C5: variants seen among roughly 807,000 people sequenced by gnomAD.
The protein encoded by C5 is complement C5, also known as C3 and PZP-like alpha-2-macroglobulin domain-containing protein 4.
In C5, 140 loss-of-function variants were observed where a neutral mutation model predicts 218.8. The observed-to-expected ratio is 0.64, with a 90% CI of 0.56 to 0.74. The LOEUF (loss-of-function observed/expected upper bound fraction) is 0.74, where lower values mean the gene tolerates loss of function less well. C5 is among the 30% of genes least tolerant of loss of function. The probability of loss-of-function intolerance (pLI) is 0.00; values close to 1 mark genes in which losing one functional copy is unlikely to be tolerated. For synonymous variants in C5, 614 were observed against 682.3 expected, an observed-to-expected ratio of 0.90 and a Z score of 1.56; for missense variants, 1,700 against 1,969.6, an observed-to-expected ratio of 0.86 and a Z score of 2.59.
Position 121,006,053 on chromosome 9 carries a change from A to G in C5, c.2428T>C (p.Cys810Arg), listed in dbSNP as rs761487991. ...TTTGCCTTGACAGTATCAGCAACAC[A>G]TATACCTTCAGCCCAAAGTGGAAGC... ...QGVGISNTGI[C>R]VADTVKAKVF... is the part of the protein sequence containing the mutation. Residue 810 changes from cysteine (C) to arginine (R), a missense_variant, in exon 20 of 41, where the codon TGT becomes CGT. Cys to Arg is a radical substitution (Grantham distance 180, BLOSUM62 -3). Transcript: ENST00000223642. 1.2e-6 allele frequency: 2 copies of G among 1,613,708 alleles called. No individual in the cohort carries two copies. The highest frequency in any genetic ancestry group is 1.3e-5 in the African/African-American group (1 of 75,020).
Position 121,017,489 on chromosome 9 carries a change from T to A in C5, c.1739A>T (p.Asp580Val). 6.2e-7 allele frequency: 1 copy of A among 1,613,938 alleles called. No homozygotes were observed. The highest frequency in any genetic ancestry group is 8.5e-7 in the Non-Finnish European group (1 of 1,179,966). The change falls in exon 14 of 41, where the codon GAT (aspartate) becomes GTT (valine). Residue 580 changes from aspartate (D) to valine (V), a missense_variant. Physicochemically the swap from Asp to Val is radical, Grantham distance 152. Transcript: ENST00000223642. Reference sequence around the variant, plus strand: ...CACAGTTTGGCCTGGAGAATATGCATCTGCATCAGGAGACAGATGAACCTA... The same window carrying A: ...CACAGTTTGGCCTGGAGAATATGCAACTGCATCAGGAGACAGATGAACCTA... ...QLQVHLSPDA[D>V]AYSPGQTVSL...
chr9:121,021,060 A>T (rs2047360917), intron 11 of C5, among the ~76,000 whole-genome samples: 1 of 152,146 alleles, frequency 6.6e-6, no homozygotes, highest in South Asian at 2.1e-4. Context: ...TGAGATTGGG[A>T]ACTTAAATAA....
chr9:121,058,707 G>A, the C5 span, among the ~76,000 whole-genome samples: 7 of 152,332 alleles, frequency 4.6e-5, no homozygotes, highest in African/African-American at 1.7e-4. Flanking sequence ...CCAAAGTGCT[G>A]GGATTACAGG....
Position 121,050,199 on chromosome 9 carries a change from G to T in C5, c.48C>A (p.Thr16=), listed in dbSNP as rs1330680346. The change falls in exon 1 of 41, where the codon ACC becomes ACA. Residue 16 remains threonine, a synonymous_variant. Transcript: ENST00000223642. ...ILCFLIFLGK[T]WGQEQTYVIS... ...TTACTTACGTTTGCTCCTGTCCCCAGGTTTTCCCCAGGAAGATTAAAAAAC... is the reference window on the plus strand; with the variant it reads ...TTACTTACGTTTGCTCCTGTCCCCATGTTTTCCCCAGGAAGATTAAAAAAC... The T allele has an allele frequency of 1.9e-6, 3 of 1,613,732 alleles. No homozygotes were observed. The highest frequency in any genetic ancestry group is 2.5e-6 in the Non-Finnish European group (3 of 1,179,702).
chr9:121,049,793 C>T (rs1283278864), intron 1 of C5, among the ~76,000 whole-genome samples: 1 of 152,152 alleles, frequency 6.6e-6, no homozygotes, highest in African/African-American at 2.4e-5. Flanking sequence ...ATTTTCAGAT[C>T]ACAGTATTAG....
intron 12 of C5, 66 bp downstream of exon 12, chr9:121,019,910 C>T: frequency 9.7e-7 from 1 of 1,032,436 alleles, no homozygotes; most frequent in Non-Finnish European, 1.5e-6. Flanking sequence ...TCTAATGCCT[C>T]TCTAGAGGCA....
intron 2 of C5, among the ~76,000 whole-genome samples, chr9:121,044,953 T>C (rs1368412437): frequency 6.7e-6 from 1 of 149,560 alleles, no homozygotes; most frequent in Admixed American, 6.6e-5. Context: ...ACTTTCTTTT[T>C]TTTTTTTTTT....
In C5 at chr9:120,981,942, A is replaced by G; in HGVS notation, c.3391-3T>C. On this transcript the variant is annotated splice_region_variant and splice_polypyrimidine_tract_variant and intron_variant, in intron 26 of 40. Transcript: ENST00000223642. ...CGGGCTTCAACAGGCAAGGTACCCTAAAAAGAAGCAATGTTTTAAAAGGGG... is the reference window on the plus strand; with the variant it reads ...CGGGCTTCAACAGGCAAGGTACCCTGAAAAGAAGCAATGTTTTAAAAGGGG... 6.2e-7 allele frequency: 1 copy of G among 1,601,416 alleles called. No homozygotes were observed. Among genetic ancestry groups the G allele is most frequent in the South Asian group, 1.1e-5 (1 of 90,744 alleles).
At chr9:121,012,172 C>T (rs909647507) in intron 17 of C5, among the ~76,000 whole-genome samples, 2 of 151,808 alleles carry the variant, frequency 1.3e-5, no homozygotes, top group Non-Finnish European at 2.9e-5. Flanking sequence ...ACCCCATTTT[C>T]CATGATATGA....
At chr9:120,959,819 A>C (rs965085502) in intron 38 of C5, among the ~76,000 whole-genome samples, 2 of 152,162 alleles carry the variant, frequency 1.3e-5, no homozygotes, top group African/African-American at 2.4e-5. Context: ...ATATATTAAA[A>C]ATTATTTGGT....
chr9:121,006,756 A>G, intron 19 of C5, 148 bp downstream of exon 19: 1 of 644,190 alleles, frequency 1.6e-6, no homozygotes, highest in South Asian at 1.8e-5. Flanking sequence ...GGGTATATCC[A>G]AGTCTTTTGG....
chr9:121,059,910 G>C, the C5 span, among the ~76,000 whole-genome samples: 1 of 152,144 alleles, frequency 6.6e-6, no homozygotes, highest in African/African-American at 2.4e-5. This position sits in a 1 kb window ranked among gnomAD's most constrained non-coding sequence, Gnocchi z 4.1. Context: ...CTGTCATCTT[G>C]ACTGCAACCT....
At chr9:121,009,943 C>T (rs1395545270) in intron 17 of C5, among the ~76,000 whole-genome samples, 1 of 152,212 alleles carries the variant, frequency 6.6e-6, no homozygotes, top group African/African-American at 2.4e-5. Context: ...GGTGTCTGCC[C>T]ATGGAGGGAG....
upstream of C5, among the ~76,000 whole-genome samples, chr9:121,051,491 C>T (rs2047671107): frequency 1.3e-5 from 2 of 151,922 alleles, no homozygotes; most frequent in Admixed American, 6.6e-5. Flanking sequence ...ACTACCTTCT[C>T]TTTTTTAGTA....
chr9:120,990,331 G>T (rs897162217), intron 23 of C5, among the ~76,000 whole-genome samples: 1 of 152,164 alleles, frequency 6.6e-6, no homozygotes, highest in African/African-American at 2.4e-5. Context: ...GAATTGTAAA[G>T]CCTGGAGACT....
chr9:120,985,315 C>T lies in C5; in HGVS notation c.3231-2501G>A, dbSNP rs187339916. ...CTTAATATGGTCTAGTTTAGTTCCT[C>T]ATGTTTTACAGTAGGGTCTGGGACT... On this transcript the variant is annotated intron_variant, in intron 25 of 40. Transcript: ENST00000223642. Among the ~76,000 whole-genome samples, 32 of 152,254 alleles carry T rather than the reference C, an allele frequency of 2.1e-4. No homozygotes were observed. In the East Asian group the frequency reaches 6.2e-3, roughly 29 times the overall value.
At chr9:121,055,210 C>T (rs185575991), upstream of C5, among the ~76,000 whole-genome samples, 2 of 152,296 alleles carry the variant, frequency 1.3e-5, no homozygotes, top group East Asian at 3.9e-4. Flanking sequence ...TATAACCTAC[C>T]TGCTTCAGGC....
intron 33 of C5, 47 bp from the exon 34 acceptor site, chr9:120,963,785 A>G (rs1036873111): frequency 1.4e-6 from 2 of 1,408,820 alleles, no homozygotes; most frequent in Non-Finnish European, 2.0e-6. Flanking sequence ...AGTGAATAAG[A>G]GTCTTTAAGA....
At chr9:121,049,558 C>G (rs953078168) in intron 1 of C5, among the ~76,000 whole-genome samples, 9 of 152,186 alleles carry the variant, frequency 5.9e-5, no homozygotes, top group Admixed American at 2.6e-4. Context: ...CTCTCTAGAA[C>G]TGTGACCTTT....
Sources: gnomAD v4.1 joint callset for allele counts (sites outside exome capture counted in the v4.1 genomes callset) on GRCh38, gnomAD v4.1.1 for gene constraint, Gnocchi (gnomAD v3.1) non-coding constraint, MANE v1.5 for transcripts, NCBI Gene and HGNC (gene_info 2026-07-23, HGNC 2026-07-21) for gene names.